The following PUF60 variants were observed in gnomAD, a reference collection of about 807,000 sequenced individuals.
The protein encoded by PUF60 is poly(U) binding splicing factor 60, also known as poly(U)-binding-splicing factor PUF60.
In PUF60, 10 loss-of-function variants were observed where a neutral mutation model predicts 61.8. The ratio of observed to expected loss-of-function variants is 0.16; its 90% CI spans 0.10 to 0.27. The LOEUF (loss-of-function observed/expected upper bound fraction) is 0.27. PUF60 is among the 10% of genes least tolerant of loss of function. PUF60 has a pLI of 1.00. For missense variants in PUF60, 371 were observed against 754.0 expected (o/e 0.49, Z 5.95); for synonymous variants, 353 against 300.9 (o/e 1.17, Z -1.79).
chr8:143,822,221 G>A (rs1586593224), intron 2 of PUF60, among the ~76,000 whole-genome samples: 1 of 152,250 alleles, frequency 6.6e-6, no homozygotes, highest in Middle Eastern at 3.4e-3. Context: ...CCAGCCCCTT[G>A]TTGTCAGTCT....
At position 143,821,863 on chromosome 8, in the gene PUF60, C is replaced by G. The variant is rs1426869562; in HGVS notation, c.162G>C (p.Leu54=). Residue 54 remains leucine (L), a synonymous_variant, in exon 3 of 12, where the codon CTG becomes CTC. Coordinates refer to ENST00000526683, the MANE Select transcript of PUF60 (RefSeq NM_078480.3). The part of the protein sequence containing the change: ...MENGQSTAAK[L]GLPPLTPEQQ... ...GCTCGGGCGTCAGGGGAGGCAGCCC[C>G]AGCTTGGCGGCTGTGCTCTGCCCGT... 1 of 1,610,720 alleles carries G rather than the reference C, an allele frequency of 6.2e-7. No homozygotes were observed. Among genetic ancestry groups the G allele is most frequent in the Non-Finnish European group, 8.5e-7 (1 of 1,179,392 alleles).
chr8:143,819,217 G>A (rs1237749102), intron 5 of PUF60, among the ~76,000 whole-genome samples: 1 of 152,120 alleles, frequency 6.6e-6, no homozygotes, highest in Non-Finnish European at 1.5e-5. Flanking sequence ...CTGGCCCCCG[G>A]GGGCACCATG....
At position 143,824,335 on chromosome 8, in the gene PUF60, C is replaced by T. The variant is rs1249323373; in HGVS notation, c.89G>A (p.Gly30Glu). ...TACCTGTGGAGGTTTCCATTTGTCT[C>T]CCGCTGCCACCACTGCCGCCGCCGC... The part of the protein sequence containing the change: ...PAAAAAVVAA[G>E]DKWKPPQGTD... Residue 30 changes from glycine (G) to glutamate (E), a missense_variant, in exon 2 of 12, where the codon GGA (glycine) becomes GAA (glutamate). Gly to Glu is a moderately conservative substitution (Grantham distance 98). Coordinates refer to ENST00000526683, the MANE Select transcript of PUF60 (RefSeq NM_078480.3). The T allele has an allele frequency of 6.2e-7, 1 of 1,612,294 alleles. No homozygotes were observed. Among genetic ancestry groups the T allele is most frequent in the East Asian group, 2.2e-5 (1 of 44,862 alleles).
At position 143,816,559 on chromosome 8, in the gene PUF60, G is replaced by A. The variant is rs757601267; in HGVS notation, c.1641C>T (p.Tyr547=). 13 of 1,613,230 alleles carry A rather than the reference G, an allele frequency of 8.1e-6. No homozygotes were observed. The African/African-American group carries it at 1.2e-4, about 15-fold the overall frequency. The stretch of plus-strand genomic sequence containing the variant: ...CACTGTTATCAAAACGCTCCTGGTC[G>A]TACACTTCAGCCACCACCTTGCGGC... ...FAGRKVVAEV[Y]DQERFDNSDL... The change falls in exon 12 of 12, where the codon TAC becomes TAT. Residue 547 remains tyrosine, a synonymous_variant. Transcript: ENST00000526683.
chr8:143,822,320 G>A (rs950630265), intron 2 of PUF60, among the ~76,000 whole-genome samples: 5 of 152,200 alleles, frequency 3.3e-5, no homozygotes, highest in Admixed American at 1.3e-4. Context: ...CTCTCTGGAC[G>A]TTCTGGGACT....
intron 2 of PUF60, chr8:143,822,618 GC>G (rs778719746): frequency 1.5e-5 from 7 of 455,760 alleles, no homozygotes; most frequent in Non-Finnish European, 3.1e-5. Flanking sequence ...TGGCACCCTA[GC>G]CAGGTGGGCC....
intron 1 of PUF60, chr8:143,827,317 T>C (rs1817740401): frequency 2.2e-6 from 1 of 455,028 alleles, no homozygotes; most frequent in Non-Finnish European, 4.4e-6. Flanking sequence ...AAATGAGAGC[T>C]GGTCTGGCTG....
At chr8:143,821,781 T>A in intron 3 of PUF60, 37 bp downstream of exon 3, 1 of 1,589,018 alleles carries the variant, frequency 6.3e-7, no homozygotes, top group Non-Finnish European at 8.6e-7. Flanking sequence ...CAGTTGACTG[T>A]CCCACACCTG....
At chr8:143,824,451 A>G in intron 1 of PUF60, 52 bp from the exon 2 acceptor site, 1 of 1,570,052 alleles carries the variant, frequency 6.4e-7, no homozygotes, top group South Asian at 1.1e-5. Context: ...CCCACCGCCC[A>G]GGCCTGCTCT....
At chr8:143,822,923 G>A (rs1390128291) in intron 2 of PUF60, 2 of 270,108 alleles carry the variant, frequency 7.4e-6, no homozygotes, top group East Asian at 1.0e-4. Flanking sequence ...AAGAGAGAAG[G>A]GTCCCCAGCA....
At chr8:143,824,095 G>A (rs1817338222) in intron 2 of PUF60, among the ~76,000 whole-genome samples, 1 of 152,252 alleles carries the variant, frequency 6.6e-6, no homozygotes, top group African/African-American at 2.4e-5. Context: ...AGAGGGCAAA[G>A]GCCAGCTCAG....
chr8:143,816,887 C>T, intron 11 of PUF60, 23 bp downstream of exon 11: 1 of 1,566,574 alleles, frequency 6.4e-7, no homozygotes, highest in Non-Finnish European at 8.7e-7. Context: ...TCTCCCCCGC[C>T]ACCACCCTGC....
chr8:143,822,880 G>C (rs1817185112), intron 2 of PUF60: 1 of 317,840 alleles, frequency 3.1e-6, no homozygotes, highest in Admixed American at 4.1e-5. Context: ...GGCCCTCCGA[G>C]ACTTCCAGAC....
At position 143,817,030 on chromosome 8, in the gene PUF60, T is replaced by C. The variant is rs780096413; in HGVS notation, c.1260A>G (p.Glu420=). 3 of 1,610,518 alleles carry C rather than the reference T, an allele frequency of 1.9e-6. No individual in the cohort carries two copies. Among genetic ancestry groups the C allele is most frequent in the East Asian group, 2.2e-5 (1 of 44,776 alleles). ...CTGACTCGGGAAACAGCTCCTCTTC[T>C]TCCTTCTCCTTCTTGGGCTCCAGGA... is the stretch of plus-strand genomic sequence containing the variant. ...LGLLEPKKEK[E]EEELFPESER... is the part of the protein sequence containing the mutation. Residue 420 remains glutamate, a synonymous_variant, in exon 11 of 12, where the codon GAA becomes GAG. Transcript: ENST00000526683. The surrounding 1 kb of genome is among the most constrained non-coding windows in gnomAD (Gnocchi z 7.4).
chr8:143,822,483 C>T (rs1334690519), intron 2 of PUF60: 2 of 456,634 alleles, frequency 4.4e-6, no homozygotes, highest in Admixed American at 4.7e-5. Context: ...GCACTGTGCA[C>T]ACCTCCCAGA....
chr8:143,823,698 G>C (rs968653859), intron 2 of PUF60, among the ~76,000 whole-genome samples: 12 of 152,214 alleles, frequency 7.9e-5, no homozygotes, highest in Non-Finnish European at 1.8e-4. Context: ...CGCTACCATG[G>C]AGAAGCACAA....
In PUF60 at chr8:143,816,900, C is replaced by T. The variant is rs1157585948; in HGVS notation, c.1380+10G>A. 1.9e-6 allele frequency: 3 copies of T among 1,567,724 alleles called. No homozygotes were observed. The highest frequency in any genetic ancestry group is 1.7e-6 in the Non-Finnish European group (2 of 1,156,174). Reference sequence around the variant, plus strand: ...CCTCTCCCCCGCCACCACCCTGCCCCTCTGCCTACCTCCTGCTTGCGGAGC... The same window carrying T: ...CCTCTCCCCCGCCACCACCCTGCCCTTCTGCCTACCTCCTGCTTGCGGAGC... On this transcript the variant is annotated intron_variant, in intron 11 of 11. Transcript: ENST00000526683.
In PUF60 at chr8:143,816,724, G is replaced by A. The variant is rs746864808; in HGVS notation, c.1476C>T (p.Ala492=). 9.3e-6 allele frequency: 15 copies of A among 1,613,678 alleles called. No individual in the cohort carries two copies. Among genetic ancestry groups the A allele is most frequent in the Admixed American group, 3.3e-5 (2 of 60,002 alleles). ...CTTGGTAGATGATGACGCGGTTCAC[G>A]GCCCCGAACTTGCCACACTCCTCTG... ...EVTEECGKFG[A]VNRVIIYQEK... is the part of the protein sequence containing the mutation. Residue 492 remains alanine, a synonymous_variant, in exon 12 of 12, where the codon GCC becomes GCT. Coordinates refer to ENST00000526683, the MANE Select transcript of PUF60 (RefSeq NM_078480.3).
chr8:143,827,039 G>A, intron 1 of PUF60: 1 of 288,456 alleles, frequency 3.5e-6, no homozygotes, highest in Non-Finnish European at 6.8e-6. Context: ...TGCGTGCCCA[G>A]GCTCCACAGT....
Sources: allele counts gnomAD v4.1 joint callset (sites outside exome capture counted in the v4.1 genomes callset), GRCh38; gene constraint gnomAD v4.1.1; non-coding constraint Gnocchi (gnomAD v3.1); transcripts MANE v1.5; gene names NCBI Gene and HGNC (gene_info 2026-07-23, HGNC 2026-07-21).